Variants in CDH13 observed in about 807,000 individuals in gnomAD.
CDH13 encodes the protein cadherin 13.
Under a neutral mutation model 63.8 loss-of-function variants are expected in CDH13, and 24 were observed. The observed-to-expected ratio is 0.38, with a 90% confidence interval of 0.27 to 0.53. The LOEUF (loss-of-function observed/expected upper bound fraction) is 0.53, where lower values mean the gene tolerates loss of function less well. Among genes scored for constraint, CDH13 ranks in the 20% least tolerant of loss-of-function variants. The pLI is 0.85. For synonymous variants in CDH13, 503 were observed against 355.3 expected, an observed-to-expected ratio of 1.42 and a Z score of -4.67; for missense variants, 1,049 against 903.1, an observed-to-expected ratio of 1.16 and a Z score of -2.07.
chr16:83,284,034 CTG>C (rs972244752), intron 5 of CDH13, among the ~76,000 whole-genome samples: 13 of 152,208 alleles, frequency 8.5e-5, no homozygotes, highest in Non-Finnish European at 1.6e-4. Context: ...AAACCATTCT[CTG>C]TGAGATCTGA....
At chr16:83,270,290 T>G (rs946523571) in intron 5 of CDH13, among the ~76,000 whole-genome samples, 2 of 152,170 alleles carry the variant, frequency 1.3e-5, no homozygotes, top group African/African-American at 4.8e-5. Flanking sequence ...GAATAAAATG[T>G]ATATTTAGGA....
intron 5 of CDH13, among the ~76,000 whole-genome samples, chr16:83,316,141 C>A (rs1221520569): frequency 6.6e-6 from 1 of 152,114 alleles, no homozygotes; most frequent in Non-Finnish European, 1.5e-5. Context: ...GCCATCAGAT[C>A]TCATGAGAAC....
chr16:83,447,952 T>A (rs575820172), intron 6 of CDH13, among the ~76,000 whole-genome samples: 23 of 152,082 alleles, frequency 1.5e-4, no homozygotes, highest in African/African-American at 5.1e-4. Context: ...GTCTCCTCTG[T>A]TACAGGGAAA....
chr16:83,750,938 C>A (rs1913027663), intron 11 of CDH13, among the ~76,000 whole-genome samples: 1 of 149,474 alleles, frequency 6.7e-6, no homozygotes, highest in African/African-American at 2.5e-5. Context: ...GCATTTGGAA[C>A]AGTACCTTGC....
At chr16:83,530,651 A>C (rs2075063561) in intron 7 of CDH13, among the ~76,000 whole-genome samples, 1 of 152,166 alleles carries the variant, frequency 6.6e-6, no homozygotes, top group Admixed American at 6.5e-5. Flanking sequence ...CATCATCTTA[A>C]CCACACACAC....
intron 4 of CDH13, among the ~76,000 whole-genome samples, chr16:83,213,568 G>A (rs531685302): frequency 5.6e-4 from 85 of 151,834 alleles, no homozygotes; most frequent in East Asian, 9.7e-4. Flanking sequence ...ATGGGTCAGA[G>A]AAGCCCATTC....
chr16:83,602,107 C>CAAAAAAAAAAAAAAAAAAAA (rs869202510), intron 7 of CDH13, among the ~76,000 whole-genome samples: 5 of 7,958 alleles, frequency 6.3e-4, no homozygotes, highest in Admixed American at 2.6e-3. Flanking sequence ...AGAACAACAA[C>CAAAAAAAAAAAAAAAAAAAA]AAAAAAAAAA....
chr16:83,088,451 G>C lies in CDH13; in HGVS notation c.367-36934G>C, dbSNP rs75145628. On this transcript the variant is annotated intron_variant, in intron 3 of 13. Transcript: ENST00000567109. ...TGTTTCCAGGTGACAGTTGCCCACC[G>C]AACCACAGAACCACAAAGCCCAGAG... 8.5e-3 allele frequency among the ~76,000 whole-genome samples: 1,289 copies of C among 152,180 alleles called. 15 individuals carry two copies. The highest frequency in any genetic ancestry group is 0.029 in the African/African-American group (1,221 of 41,514).
intron 3 of CDH13, among the ~76,000 whole-genome samples, chr16:83,106,912 A>C (rs886575206): frequency 6.6e-6 from 1 of 151,960 alleles, no homozygotes; most frequent in African/African-American, 2.4e-5. Context: ...TTTTTAAAAA[A>C]GTATAATCTG....
At chr16:82,864,738 C>G (rs1011245769) in intron 2 of CDH13, among the ~76,000 whole-genome samples, 9 of 152,160 alleles carry the variant, frequency 5.9e-5, no homozygotes, top group African/African-American at 2.2e-4. Context: ...CCTCCCAAAT[C>G]TCATGTCCCT....
At chr16:82,880,970 T>G (rs973518400) in intron 2 of CDH13, among the ~76,000 whole-genome samples, 4 of 152,226 alleles carry the variant, frequency 2.6e-5, no homozygotes, top group Non-Finnish European at 4.4e-5. Context: ...TTTAAAGCCT[T>G]TAGACATTAC....
At chr16:82,795,461 G>A (rs1821894693) in intron 1 of CDH13, among the ~76,000 whole-genome samples, 1 of 152,188 alleles carries the variant, frequency 6.6e-6, no homozygotes, top group Admixed American at 6.5e-5. Context: ...TCATCCTTAT[G>A]TAACAGTGAC....
chr16:83,604,501 G>T (rs1908145368), intron 8 of CDH13, among the ~76,000 whole-genome samples: 1 of 152,152 alleles, frequency 6.6e-6, no homozygotes, highest in Admixed American at 6.5e-5. Flanking sequence ...CTTTTAAATG[G>T]TTTATTTAAC....
chr16:83,556,933 A>G (rs1237071184), intron 7 of CDH13, among the ~76,000 whole-genome samples: 4 of 152,184 alleles, frequency 2.6e-5, no homozygotes, highest in Admixed American at 6.5e-5. Context: ...CATGACAGCA[A>G]TGACAACTCT....
chr16:82,934,878 G>A (rs1353184825), intron 2 of CDH13, among the ~76,000 whole-genome samples: 2 of 152,292 alleles, frequency 1.3e-5, no homozygotes, highest in African/African-American at 4.8e-5. Flanking sequence ...TTTGGTCAAA[G>A]CCATTCAACA....
chr16:83,371,535 A>G (rs1172268469), intron 6 of CDH13, among the ~76,000 whole-genome samples: 1 of 152,186 alleles, frequency 6.6e-6, no homozygotes, highest in Non-Finnish European at 1.5e-5. Flanking sequence ...CATAGAGGTG[A>G]TCTTTTATAA....
At chr16:83,590,670 T>C (rs780050092) in intron 7 of CDH13, among the ~76,000 whole-genome samples, 2 of 152,214 alleles carry the variant, frequency 1.3e-5, no homozygotes, top group African/African-American at 2.4e-5. Flanking sequence ...TTAAATTGCA[T>C]CATAAATGGG....
At chr16:83,524,527 A>C (rs2074913654) in intron 7 of CDH13, among the ~76,000 whole-genome samples, 1 of 126,960 alleles carries the variant, frequency 7.9e-6, no homozygotes, top group South Asian at 2.3e-4. Flanking sequence ...CTCTCGGCTT[A>C]CTGCAAGCTC....
chr16:83,219,899 C>G (rs1198572840), intron 5 of CDH13, among the ~76,000 whole-genome samples: 6 of 152,192 alleles, frequency 3.9e-5, no homozygotes, highest in Non-Finnish European at 8.8e-5. Context: ...GCTTGAATTC[C>G]TCTCTTCTGT....
Sources: allele counts gnomAD v4.1 joint callset (sites outside exome capture counted in the v4.1 genomes callset), GRCh38; gene constraint gnomAD v4.1.1; transcripts MANE v1.5; gene names NCBI Gene and HGNC (gene_info 2026-07-23, HGNC 2026-07-21).